TBC1D2B: variants seen among roughly 807,000 people sequenced by gnomAD.
TBC1D2B encodes the protein TBC1 domain family, member 2B.
Under a neutral mutation model 100.8 loss-of-function variants are expected in TBC1D2B, and 64 were observed. The observed-to-expected ratio is 0.64, with a 90% CI of 0.52 to 0.78. The LOEUF (loss-of-function observed/expected upper bound fraction) is 0.78, where lower values mean the gene tolerates loss of function less well. TBC1D2B is among the 30% of genes least tolerant of loss of function. The pLI, the probability that TBC1D2B is intolerant of heterozygous loss-of-function variation, is 0.00. For synonymous variants in TBC1D2B, 480 were observed against 479.7 expected (o/e 1.00, Z -0.01); for missense variants, 1,052 against 1,218.4 (o/e 0.86, Z 2.03).
intron 1 of TBC1D2B, among the ~76,000 whole-genome samples, chr15:78,075,241 C>A (rs1432702563): frequency 6.6e-6 from 1 of 151,602 alleles, no homozygotes; most frequent in African/African-American, 2.4e-5. Flanking sequence ...ACTCTGTCAC[C>A]CAGGCTGAGT....
At chr15:78,018,989 C>T (rs771173677) in intron 6 of TBC1D2B, among the ~76,000 whole-genome samples, 14 of 152,024 alleles carry the variant, frequency 9.2e-5, no homozygotes, top group Non-Finnish European at 1.6e-4. Context: ...GTGTGAGGTT[C>T]CTAATCTCCC....
intron 2 of TBC1D2B, among the ~76,000 whole-genome samples, chr15:78,049,722 CAT>C (rs911552049): frequency 1.3e-5 from 2 of 152,170 alleles, no homozygotes; most frequent in Non-Finnish European, 2.9e-5. Flanking sequence ...GCCTGTTCCA[CAT>C]AGACTCCTTT....
At chr15:78,049,003 G>T (rs1004181852) in intron 2 of TBC1D2B, among the ~76,000 whole-genome samples, 1 of 152,194 alleles carries the variant, frequency 6.6e-6, no homozygotes, top group African/African-American at 2.4e-5. Context: ...CGAAAGTCTG[G>T]GTGTCAACAC....
At chr15:78,008,809 G>A (rs1352784610) in intron 10 of TBC1D2B, among the ~76,000 whole-genome samples, 188 bp downstream of exon 10, 1 of 152,288 alleles carries the variant, frequency 6.6e-6, no homozygotes, top group Admixed American at 6.5e-5. Context: ...AGCCCAACTC[G>A]GCCTCAGTCA....
chr15:77,997,928 G>T lies in TBC1D2B; in HGVS notation c.*232C>A. ...AGGATCCACCAACCAGGCAGAAAGC[G>T]TGACTGAGATACGTGTAACCAAAAG... On this transcript the variant is annotated 3_prime_UTR_variant, in exon 13 of 13. Coordinates refer to ENST00000300584, the MANE Select transcript of TBC1D2B (RefSeq NM_144572.2). 1 of 382,804 alleles carries T rather than the reference G, an allele frequency of 2.6e-6. No individual in the cohort carries two copies. The highest frequency in any genetic ancestry group is 4.6e-6 in the Non-Finnish European group (1 of 215,520). 23.7% of individuals were successfully genotyped at this position (382,804 alleles called of 1,614,324 possible).
chr15:78,053,032 A>G (rs2073347921), intron 2 of TBC1D2B, among the ~76,000 whole-genome samples: 1 of 152,224 alleles, frequency 6.6e-6, no homozygotes, highest in Admixed American at 6.5e-5. Flanking sequence ...CACTGATAAG[A>G]GGGTTAACCT....
At chr15:78,008,503 GTC>G (rs1391651417) in intron 10 of TBC1D2B, among the ~76,000 whole-genome samples, 1 of 152,230 alleles carries the variant, frequency 6.6e-6, no homozygotes, top group Non-Finnish European at 1.5e-5. Context: ...CTGCATGGTG[GTC>G]ACTGCACAGG....
chr15:78,033,796 T>C (rs1346288593), intron 3 of TBC1D2B, among the ~76,000 whole-genome samples: 1 of 152,266 alleles, frequency 6.6e-6, no homozygotes, highest in Non-Finnish European at 1.5e-5. Flanking sequence ...ATCAGACAGA[T>C]GATATTCTCA....
intron 1 of TBC1D2B, among the ~76,000 whole-genome samples, chr15:78,074,498 T>G (rs375457885): frequency 2.0e-5 from 3 of 152,332 alleles, no homozygotes; most frequent in African/African-American, 7.2e-5. Context: ...AGAAATATTC[T>G]GAACCTACAA....
At chr15:78,076,859 A>G (rs1163882315) in intron 1 of TBC1D2B, among the ~76,000 whole-genome samples, 1 of 152,242 alleles carries the variant, frequency 6.6e-6, no homozygotes, top group East Asian at 1.9e-4. Flanking sequence ...CTGTTATCCC[A>G]TTTTACAGAG....
chr15:78,002,414 C>T (rs1427210850), intron 11 of TBC1D2B: 1 of 152,044 alleles, frequency 6.6e-6, no homozygotes, highest in Non-Finnish European at 1.5e-5. Flanking sequence ...CATCTCCTGA[C>T]CTCATGATCC....
intron 4 of TBC1D2B, among the ~76,000 whole-genome samples, chr15:78,028,427 C>T (rs1272300034): frequency 1.3e-5 from 2 of 152,164 alleles, no homozygotes; most frequent in East Asian, 1.9e-4. Flanking sequence ...GCCGAGATCG[C>T]GCCACTGCAC....
intron 1 of TBC1D2B, among the ~76,000 whole-genome samples, chr15:78,065,310 G>GAGC (rs2073634189): frequency 6.6e-6 from 1 of 152,230 alleles, no homozygotes; most frequent in Admixed American, 6.5e-5. Flanking sequence ...GAACAAAGAA[G>GAGC]AGCAAATGTG....
chr15:78,031,305 G>A (rs1390972369), intron 3 of TBC1D2B, among the ~76,000 whole-genome samples: 1 of 152,160 alleles, frequency 6.6e-6, no homozygotes, highest in African/African-American at 2.4e-5. Context: ...TGTAATCCCA[G>A]TACTTTGGGA....
chr15:78,064,282 AC>A (rs2073610791), intron 1 of TBC1D2B, among the ~76,000 whole-genome samples: 1 of 152,104 alleles, frequency 6.6e-6, no homozygotes, highest in East Asian at 1.9e-4. Flanking sequence ...CATCTCAATC[AC>A]CCACTTAGGG....
intron 1 of TBC1D2B, among the ~76,000 whole-genome samples, chr15:78,076,998 G>A (rs2073838745): frequency 6.6e-6 from 1 of 152,230 alleles, no homozygotes; most frequent in Non-Finnish European, 1.5e-5. Context: ...TCCACGGGAT[G>A]GTGGGGGTCG....
Position 77,998,208 on chromosome 15 carries a change from G to C in TBC1D2B, c.2844C>G (p.Thr948=). ...IREDFLRERD[T]SPDKGELVSD... ...TGACCAGCTCACCCTTGTCAGGGCT[G>C]GTGTCCCGCTCACGCAGGAAGTCCT... The change falls in exon 13 of 13, where the codon ACC becomes ACG. Residue 948 remains threonine, a synonymous_variant. Transcript: ENST00000300584. 4 of 1,562,780 alleles carry C rather than the reference G, an allele frequency of 2.6e-6. No homozygotes were observed. Among genetic ancestry groups the C allele is most frequent in the Non-Finnish European group, 3.5e-6 (4 of 1,153,910 alleles).
chr15:77,996,433 G>A lies in TBC1D2B; in HGVS notation c.*1727C>T, dbSNP rs1425067365. On this transcript the variant is annotated 3_prime_UTR_variant, in exon 13 of 13. Transcript: ENST00000300584. Reference sequence around the variant, plus strand: ...TTTCACGATGGGCTGAGGGGTGGGGGGGGTTCCAACACTTGATTCGAGCAG... The same window carrying A: ...TTTCACGATGGGCTGAGGGGTGGGGAGGGTTCCAACACTTGATTCGAGCAG... The A allele has an allele frequency of 3.3e-5, 5 of 151,770 alleles. No homozygotes were observed. Among genetic ancestry groups the A allele is most frequent in the Admixed American group, 1.3e-4 (2 of 15,250 alleles). 9.4% of individuals were successfully genotyped at this position (151,770 alleles called of 1,614,324 possible). A position where few individuals can be genotyped will look rare whatever the true frequency, so the allele number is the denominator to read the frequency against.
intron 12 of TBC1D2B, chr15:77,999,370 T>C: frequency 2.3e-6 from 1 of 441,540 alleles, no homozygotes; most frequent in Admixed American, 2.4e-5. Context: ...ACCTTTTATG[T>C]TTCAAAACAC....
Sources: allele counts gnomAD v4.1 joint callset (sites outside exome capture counted in the v4.1 genomes callset), GRCh38; gene constraint gnomAD v4.1.1; transcripts MANE v1.5; gene names NCBI Gene and HGNC (gene_info 2026-07-23, HGNC 2026-07-21).